CDH8: variants seen among roughly 807,000 people sequenced by gnomAD.
CDH8 encodes the protein cadherin 8.
In CDH8, 17 loss-of-function variants were observed where a neutral mutation model predicts 68.1. The observed-to-expected ratio is 0.25, with a 90% CI of 0.17 to 0.37. The LOEUF (loss-of-function observed/expected upper bound fraction) is 0.37. CDH8 is among the 10% of genes least tolerant of loss of function. The pLI, the probability that CDH8 is intolerant of heterozygous loss-of-function variation, is 1.00. For missense variants in CDH8, 763 were observed against 999.3 expected (o/e 0.76, Z 3.19); for synonymous variants, 372 against 365.1 (o/e 1.02, Z -0.21).
At chr16:61,924,116 T>C (rs1964419114) in intron 2 of CDH8, among the ~76,000 whole-genome samples, 1 of 151,950 alleles carries the variant, frequency 6.6e-6, no homozygotes, top group Non-Finnish European at 1.5e-5. Context: ...AAGTTATTCC[T>C]TTCTGTGGTT....
intron 3 of CDH8, among the ~76,000 whole-genome samples, chr16:61,894,457 T>A (rs2143215125): frequency 6.6e-6 from 1 of 152,300 alleles, no homozygotes; most frequent in African/African-American, 2.4e-5. Flanking sequence ...GTGTCAAGAT[T>A]AATTTCCTAA....
At chr16:61,843,632 G>A (rs879293121) in intron 4 of CDH8, among the ~76,000 whole-genome samples, 2 of 152,132 alleles carry the variant, frequency 1.3e-5, no homozygotes, top group Non-Finnish European at 2.9e-5. Flanking sequence ...CTCAGAAACA[G>A]TGACCACTCA....
intron 2 of CDH8, among the ~76,000 whole-genome samples, chr16:61,954,223 A>G (rs1401755799): frequency 7.9e-5 from 12 of 151,976 alleles, no homozygotes; most frequent in Non-Finnish European, 1.8e-4. Context: ...TCTATCCACC[A>G]TGGAGAAAGG....
intron 2 of CDH8, among the ~76,000 whole-genome samples, chr16:61,941,644 G>A (rs1179490352): frequency 6.6e-6 from 1 of 152,204 alleles, no homozygotes; most frequent in Non-Finnish European, 1.5e-5. Context: ...GTTTCACTGT[G>A]TTGATCAGGC....
intron 2 of CDH8, among the ~76,000 whole-genome samples, chr16:61,923,216 A>G (rs1964400463): frequency 1.3e-5 from 2 of 152,286 alleles, no homozygotes; most frequent in South Asian, 2.1e-4. Context: ...TCTTCTGGCC[A>G]TGAACAAAAT....
At chr16:61,768,314 TTCTCTCTCTCTC>T (rs1206629963) in intron 8 of CDH8, among the ~76,000 whole-genome samples, 1,695 of 17,050 alleles carry the variant, frequency 0.099, 29 homozygotes, top group African/African-American at 0.1. Flanking sequence ...GTCTCTCCCT[TTCTCTCTCTCTC>T]TCTCTCTCTC....
chr16:61,787,134 A>G (rs1961244018), intron 8 of CDH8, among the ~76,000 whole-genome samples: 2 of 151,810 alleles, frequency 1.3e-5, no homozygotes, highest in African/African-American at 4.8e-5. Context: ...AAAAGAAACT[A>G]CCATCAGAGT....
At chr16:61,865,818 A>T (rs955093143) in intron 3 of CDH8, among the ~76,000 whole-genome samples, 3 of 152,196 alleles carry the variant, frequency 2.0e-5, no homozygotes, top group Non-Finnish European at 2.9e-5. Flanking sequence ...TTGAGAACTA[A>T]ATAGCACCAT....
At position 61,647,775 on chromosome 16, in the gene CDH8, T is replaced by A. The variant is rs1158923139; in HGVS notation, c.*5833A>T. 7.2e-6 allele frequency: 5 copies of A among 698,650 alleles called. No homozygotes were observed. The highest frequency in any genetic ancestry group is 1.3e-5 in the Non-Finnish European group (5 of 382,380). The allele number at this position is 698,650 out of a possible 1,614,324, so 43.3% of individuals were successfully genotyped here. A position where few individuals can be genotyped will look rare whatever the true frequency, so the allele number is the denominator to read the frequency against. On this transcript the variant is annotated 3_prime_UTR_variant, in exon 12 of 12. Transcript: ENST00000577390. ...AAATTAACATTTGGCTTTGGTGACC[T>A]CTCATTTCCTTTTCTGGTCCTGACC... is the stretch of plus-strand genomic sequence containing the variant.
intron 4 of CDH8, among the ~76,000 whole-genome samples, chr16:61,842,222 T>C (rs559875573): frequency 6.6e-6 from 1 of 152,172 alleles, no homozygotes; most frequent in East Asian, 1.9e-4. Flanking sequence ...TTTGTATGGT[T>C]TTAATGTTTG....
At chr16:62,003,396 A>G (rs954691542) in intron 2 of CDH8, among the ~76,000 whole-genome samples, 30 of 152,204 alleles carry the variant, frequency 2.0e-4, no homozygotes, top group Admixed American at 7.2e-4. Flanking sequence ...TACTTTTATA[A>G]AGTATATTTT....
intron 7 of CDH8, 82 bp from the exon 8 acceptor site, chr16:61,789,564 A>G: frequency 7.8e-7 from 1 of 1,285,420 alleles, no homozygotes; most frequent in Non-Finnish European, 1.0e-6. Flanking sequence ...TAATCCTTGG[A>G]GAGCCATATT....
chr16:61,941,536 G>A (rs1397136), intron 2 of CDH8, among the ~76,000 whole-genome samples: 51,808 of 151,920 alleles, frequency 0.34, 9,450 homozygotes, highest in African/African-American at 0.45. Context: ...TGCAACCTCC[G>A]TCTCCCAAGT....
intron 2 of CDH8, among the ~76,000 whole-genome samples, chr16:61,930,535 T>G (rs1293964878): frequency 6.6e-6 from 1 of 152,146 alleles, no homozygotes; most frequent in Admixed American, 6.6e-5. Flanking sequence ...AGTAGCTTAT[T>G]TCTTCTATGC....
intron 4 of CDH8, among the ~76,000 whole-genome samples, chr16:61,843,903 T>C (rs1162597371): frequency 6.6e-6 from 1 of 152,122 alleles, no homozygotes; most frequent in Non-Finnish European, 1.5e-5. Flanking sequence ...TGTTGTTTCC[T>C]GACTTTTTAA....
At position 61,653,067 on chromosome 16, in the gene CDH8, GTCACCGTAC is replaced by G; in HGVS notation, c.*532_*540del. 1 of 1,348,778 alleles carries G rather than the reference GTCACCGTAC, an allele frequency of 7.4e-7. No homozygotes were observed. Among genetic ancestry groups the G allele is most frequent in the Non-Finnish European group, 9.5e-7 (1 of 1,051,708 alleles). 83.6% of individuals were successfully genotyped at this position (1,348,778 alleles called of 1,614,324 possible). On this transcript the variant is annotated 3_prime_UTR_variant, in exon 12 of 12. Coordinates refer to ENST00000577390, the MANE Select transcript of CDH8 (RefSeq NM_001796.5). ...GGCCAACAATTATGTACAATGTGTG[GTCACCGTAC>G]TGTATAATCTAGGAGGCCTCTCAAA...
chr16:62,002,770 T>C (rs1965912093), intron 2 of CDH8, among the ~76,000 whole-genome samples: 1 of 152,120 alleles, frequency 6.6e-6, no homozygotes, highest in Admixed American at 6.6e-5. Flanking sequence ...AAAAACAAAT[T>C]TGGCCGGGTG....
chr16:61,726,487 C>T (rs1225108548), intron 9 of CDH8: 1 of 150,294 alleles, frequency 6.7e-6, no homozygotes. Flanking sequence ...CCCTTTCCTT[C>T]TCCCTCTCTC....
At chr16:61,988,607 A>AAAC (rs891635697) in intron 2 of CDH8, among the ~76,000 whole-genome samples, 1 of 152,102 alleles carries the variant, frequency 6.6e-6, no homozygotes, top group African/African-American at 2.4e-5. Flanking sequence ...ACAAACAAAC[A>AAAC]AAAAAAGGTA....
Sources: allele counts gnomAD v4.1 joint callset (sites outside exome capture counted in the v4.1 genomes callset), GRCh38; gene constraint gnomAD v4.1.1; transcripts MANE v1.5; gene names NCBI Gene and HGNC (gene_info 2026-07-23, HGNC 2026-07-21).